CALD1: variants seen among roughly 807,000 people sequenced by gnomAD.
CALD1 encodes caldesmon.
A neutral mutation model predicts 99.9 loss-of-function variants in CALD1; 33 were observed. The ratio of observed to expected loss-of-function variants is 0.33; its 90% CI spans 0.25 to 0.44. The LOEUF (loss-of-function observed/expected upper bound fraction) is 0.44, where lower values mean the gene tolerates loss of function less well. CALD1 is among the 20% of genes least tolerant of loss of function. CALD1 has a pLI of 1.00. For synonymous variants in CALD1, 310 were observed against 325.0 expected, an observed-to-expected ratio of 0.95 and a Z score of 0.50; for missense variants, 861 against 962.1, an observed-to-expected ratio of 0.89 and a Z score of 1.39.
At chr7:134,768,146 A>T (rs563802221) in intron 1 of CALD1, among the ~76,000 whole-genome samples, 1 of 152,106 alleles carries the variant, frequency 6.6e-6, no homozygotes, top group Non-Finnish European at 1.5e-5. Flanking sequence ...GGCTGAGGGG[A>T]TGGCCAGTCC....
chr7:134,936,464 A>G (rs1413475376), intron 6 of CALD1, among the ~76,000 whole-genome samples: 1 of 152,204 alleles, frequency 6.6e-6, no homozygotes, highest in Admixed American at 6.5e-5. Context: ...AATAATCTTA[A>G]AAATTGTGAC....
chr7:134,962,759 T>C (rs769854651), intron 13 of CALD1: 18 of 450,834 alleles, frequency 4.0e-5, no homozygotes, highest in Middle Eastern at 3.3e-4. Flanking sequence ...ACACAGAAAT[T>C]AAAAAGCTAA....
At chr7:134,852,074 A>G (rs1800106434) in intron 2 of CALD1, among the ~76,000 whole-genome samples, 1 of 152,192 alleles carries the variant, frequency 6.6e-6, no homozygotes, top group South Asian at 2.1e-4. Context: ...GCAGCTTCAG[A>G]CTTGGTCAAG....
intron 1 of CALD1, among the ~76,000 whole-genome samples, chr7:134,782,637 T>C (rs1418666455): frequency 6.6e-6 from 1 of 152,210 alleles, no homozygotes; most frequent in Non-Finnish European, 1.5e-5. Context: ...ACATTGGTAA[T>C]GCTTCTCCGA....
At chr7:134,740,065 C>T (rs1311072861), upstream of CALD1, among the ~76,000 whole-genome samples, 1 of 151,968 alleles carries the variant, frequency 6.6e-6, no homozygotes, top group Non-Finnish European at 1.5e-5. Flanking sequence ...TTCATATCAG[C>T]AAGGTATTTT....
chr7:134,823,844 T>A (rs759815060), intron 1 of CALD1, among the ~76,000 whole-genome samples: 14 of 152,226 alleles, frequency 9.2e-5, no homozygotes, highest in Non-Finnish European at 1.5e-4. Context: ...AACAAGTGAA[T>A]GACACAATAT....
chr7:134,966,542 TATCA>T (rs927717023), intron 14 of CALD1, among the ~76,000 whole-genome samples: 7 of 152,202 alleles, frequency 4.6e-5, no homozygotes, highest in African/African-American at 1.7e-4. Flanking sequence ...GTAAGTAGTT[TATCA>T]TTCTCATTTT....
intron 2 of CALD1, among the ~76,000 whole-genome samples, chr7:134,847,464 A>C (rs1196693025): frequency 1.3e-5 from 2 of 152,164 alleles, no homozygotes; most frequent in Non-Finnish European, 2.9e-5. Flanking sequence ...CCTCTCAAGG[A>C]GACCACTCTC....
chr7:134,962,398 A>C (rs1808345609), intron 13 of CALD1: 1 of 149,646 alleles, frequency 6.7e-6, no homozygotes, highest in African/African-American at 2.5e-5. Flanking sequence ...AAGGCATTGC[A>C]GAGAAATTAC....
At chr7:134,748,250 T>C (rs1367245602) in intron 1 of CALD1, among the ~76,000 whole-genome samples, 1 of 152,278 alleles carries the variant, frequency 6.6e-6, no homozygotes, top group East Asian at 1.9e-4. Context: ...CTTAACATGT[T>C]TAATTTTAAA....
chr7:134,889,149 C>T (rs1381651830), intron 3 of CALD1, among the ~76,000 whole-genome samples: 1 of 152,220 alleles, frequency 6.6e-6, no homozygotes, highest in South Asian at 2.1e-4. Flanking sequence ...AACGACACAA[C>T]TTATTCTGTA....
At chr7:134,796,170 AGTGGT>A (rs1407322472) in intron 1 of CALD1, among the ~76,000 whole-genome samples, 2 of 152,156 alleles carry the variant, frequency 1.3e-5, no homozygotes, top group Non-Finnish European at 2.9e-5. Flanking sequence ...GACTCCAGAT[AGTGGT>A]CTAATAGAAA....
chr7:134,891,061 G>A (rs1030451458), intron 3 of CALD1, among the ~76,000 whole-genome samples: 3 of 152,270 alleles, frequency 2.0e-5, no homozygotes, highest in East Asian at 3.9e-4. Flanking sequence ...AACTGCACCC[G>A]GATGAACTTT....
intron 1 of CALD1, among the ~76,000 whole-genome samples, chr7:134,823,824 CT>C (rs1798879572): frequency 1.3e-5 from 2 of 152,150 alleles, no homozygotes; most frequent in South Asian, 4.1e-4. Context: ...GATTAACTTA[CT>C]TTTATTTCAA....
chr7:134,858,288 T>C (rs888032389), intron 2 of CALD1, among the ~76,000 whole-genome samples: 1 of 152,102 alleles, frequency 6.6e-6, no homozygotes, highest in African/African-American at 2.4e-5. Context: ...GCTTCTTTTG[T>C]ATTTGCCAAG....
chr7:134,887,616 A>G (rs1003489476), intron 3 of CALD1, among the ~76,000 whole-genome samples: 2 of 149,906 alleles, frequency 1.3e-5, no homozygotes, highest in African/African-American at 5.0e-5. Flanking sequence ...GCATGCGTGT[A>G]TATGTGTGTG....
chr7:134,773,846 T>C (rs1796896667), intron 1 of CALD1, among the ~76,000 whole-genome samples: 1 of 151,564 alleles, frequency 6.6e-6, no homozygotes, highest in Non-Finnish European at 1.5e-5. Flanking sequence ...TTTGTTATAA[T>C]CTCTCTTTCC....
rs565739089 is a variant in CALD1 at position 134,890,517 on chromosome 7, G to A, written c.71+22713G>A. ...AATAATCTTAACTCTACATTGTGGA[G>A]ATCGGATTTGTTCTCACTTGACAGA... On this transcript the variant is annotated intron_variant, in intron 3 of 14. Coordinates refer to ENST00000361675, the MANE Select transcript of CALD1 (RefSeq NM_033138.4). Among the ~76,000 whole-genome samples the A allele has an allele frequency of 2.4e-4, 37 of 152,340 alleles. No individual in the cohort carries two copies. The South Asian group carries it at 7.5e-3, about 31-fold the overall frequency.
At chr7:134,936,769 T>C (rs1169217214) in intron 6 of CALD1, among the ~76,000 whole-genome samples, 1 of 152,214 alleles carries the variant, frequency 6.6e-6, no homozygotes, top group African/African-American at 2.4e-5. Context: ...CATATTACAT[T>C]TCTGTTAAGA....
Sources: allele counts gnomAD v4.1 joint callset (sites outside exome capture counted in the v4.1 genomes callset), GRCh38; gene constraint gnomAD v4.1.1; transcripts MANE v1.5; gene names NCBI Gene and HGNC (gene_info 2026-07-23, HGNC 2026-07-21).